Variants in RAD51B observed in about 807,000 individuals in gnomAD.
RAD51B encodes RAD51 paralog B, also known as DNA repair protein RAD51 homolog 2.
Under a neutral mutation model 42.2 loss-of-function variants are expected in RAD51B, and 38 were observed. The ratio of observed to expected loss-of-function variants is 0.90; its 90% CI spans 0.70 to 1.18. The LOEUF is 1.18. Ranked by LOEUF, RAD51B falls within the 50% of genes most tolerant of loss-of-function variation. RAD51B has a pLI of 0.00. For synonymous variants in RAD51B, 154 were observed against 145.2 expected, an observed-to-expected ratio of 1.06 and a Z score of -0.43; for missense variants, 373 against 400.7, an observed-to-expected ratio of 0.93 and a Z score of 0.59.
chr14:68,242,724 C>T (rs2080418082), intron 7 of RAD51B, among the ~76,000 whole-genome samples: 1 of 152,208 alleles, frequency 6.6e-6, no homozygotes, highest in Admixed American at 6.5e-5. Context: ...AAGTACTTTT[C>T]ACACATTATC....
chr14:68,584,107 A>C (rs1004259735), intron 10 of RAD51B, among the ~76,000 whole-genome samples: 1 of 151,686 alleles, frequency 6.6e-6, no homozygotes, highest in Non-Finnish European at 1.5e-5. Context: ...TCTGCCCAAC[A>C]CCTCGTGCCT....
At chr14:68,135,841 T>C (rs2140700684) in intron 7 of RAD51B, among the ~76,000 whole-genome samples, 1 of 152,312 alleles carries the variant, frequency 6.6e-6, no homozygotes, top group Middle Eastern at 3.4e-3. Flanking sequence ...AAATTTTCAG[T>C]AGAGCCTTAA....
At chr14:67,943,950 T>C (rs2045294546) in intron 7 of RAD51B, among the ~76,000 whole-genome samples, 1 of 152,140 alleles carries the variant, frequency 6.6e-6, no homozygotes. Flanking sequence ...TCTAAGTATA[T>C]TGTATAAAGT....
At chr14:68,013,856 T>G (rs2075729599) in intron 7 of RAD51B, among the ~76,000 whole-genome samples, 1 of 152,198 alleles carries the variant, frequency 6.6e-6, no homozygotes, top group African/African-American at 2.4e-5. Context: ...TCCTTCCATA[T>G]TCTTAGAATT....
intron 7 of RAD51B, among the ~76,000 whole-genome samples, chr14:68,075,875 A>G (rs899721924): frequency 2.0e-5 from 3 of 152,222 alleles, no homozygotes; most frequent in Non-Finnish European, 2.9e-5. Context: ...TCCCCAGCCT[A>G]GAGCAATAAG....
chr14:68,051,065 A>T (rs2140418906), intron 7 of RAD51B, among the ~76,000 whole-genome samples: 1 of 152,048 alleles, frequency 6.6e-6, no homozygotes, highest in East Asian at 1.9e-4. Flanking sequence ...AAAATAAAGA[A>T]TAATTGTCAT....
intron 8 of RAD51B, among the ~76,000 whole-genome samples, chr14:68,384,274 G>A (rs1249936917): frequency 6.6e-6 from 1 of 151,964 alleles, no homozygotes; most frequent in Non-Finnish European, 1.5e-5. Flanking sequence ...TTTTCTTCCG[G>A]AAAATCTTGT....
intron 8 of RAD51B, among the ~76,000 whole-genome samples, chr14:68,369,628 G>A (rs1181947373): frequency 1.3e-5 from 2 of 152,134 alleles, no homozygotes; most frequent in Non-Finnish European, 2.9e-5. Context: ...CTTTCAAATA[G>A]GTGCCATATC....
intron 8 of RAD51B, among the ~76,000 whole-genome samples, chr14:68,316,836 G>T (rs1050789151): frequency 6.6e-6 from 1 of 151,864 alleles, no homozygotes; most frequent in Non-Finnish European, 1.5e-5. Context: ...ATTTATTGAG[G>T]TATAATTTAC....
intron 10 of RAD51B, among the ~76,000 whole-genome samples, chr14:68,619,049 A>C (rs1320209172): frequency 6.6e-6 from 1 of 152,120 alleles, no homozygotes; most frequent in Non-Finnish European, 1.5e-5. Flanking sequence ...CACACAAGCA[A>C]CTCAGCTTTT....
intron 10 of RAD51B, among the ~76,000 whole-genome samples, chr14:68,502,166 T>A (rs1336326948): frequency 6.6e-6 from 1 of 152,174 alleles, no homozygotes; most frequent in Non-Finnish European, 1.5e-5. Context: ...AGCCTGTCAA[T>A]GGAAAGATGG....
intron 7 of RAD51B, among the ~76,000 whole-genome samples, chr14:68,101,463 T>C (rs932693823): frequency 1.3e-5 from 2 of 152,166 alleles, no homozygotes; most frequent in Admixed American, 6.5e-5. Context: ...AGGCATTGGG[T>C]AAATACACCC....
intron 7 of RAD51B, among the ~76,000 whole-genome samples, chr14:67,991,633 AC>A (rs1243520281): frequency 2.0e-5 from 3 of 152,216 alleles, no homozygotes; most frequent in Non-Finnish European, 4.4e-5. Context: ...ATCTGTCTTC[AC>A]CTTCATTATA....
At chr14:68,141,080 C>T (rs1359665087) in intron 7 of RAD51B, among the ~76,000 whole-genome samples, 2 of 152,192 alleles carry the variant, frequency 1.3e-5, no homozygotes, top group East Asian at 3.8e-4. Flanking sequence ...CATAGGGTCA[C>T]CCTTGTTACT....
chr14:68,674,385 A>G (rs943947589), intron 11 of RAD51B, among the ~76,000 whole-genome samples: 4 of 152,136 alleles, frequency 2.6e-5, no homozygotes, highest in African/African-American at 9.7e-5. Flanking sequence ...GAATTTTTCT[A>G]TGAGTAGTCA....
chr14:67,823,759 G>A (rs530515702), intron 2 of RAD51B, 132 bp downstream of exon 2: 18 of 653,248 alleles, frequency 2.8e-5, no homozygotes, highest in Middle Eastern at 4.0e-4. Context: ...TTTTCCATAG[G>A]CTAATTGTAA....
chr14:68,591,509 A>G (rs144334078), intron 10 of RAD51B, among the ~76,000 whole-genome samples: 1 of 152,200 alleles, frequency 6.6e-6, no homozygotes, highest in South Asian at 2.1e-4. Context: ...ATATGATGCT[A>G]TGATAATCGA....
intron 11 of RAD51B, among the ~76,000 whole-genome samples, chr14:68,658,814 C>T (rs1458985433): frequency 1.3e-5 from 2 of 152,224 alleles, no homozygotes; most frequent in Non-Finnish European, 2.9e-5. Flanking sequence ...ATTTCATCCT[C>T]ACTACAACTC....
At chr14:68,604,143 G>A (rs560604469) in intron 10 of RAD51B, among the ~76,000 whole-genome samples, 9 of 152,320 alleles carry the variant, frequency 5.9e-5, no homozygotes, top group East Asian at 5.8e-4. Flanking sequence ...TGGGGAGTCC[G>A]TCTAGAAAGT....
Sources: gnomAD v4.1 joint callset for allele counts (sites outside exome capture counted in the v4.1 genomes callset) on GRCh38, gnomAD v4.1.1 for gene constraint, MANE v1.5 for transcripts, NCBI Gene and HGNC (gene_info 2026-07-23, HGNC 2026-07-21) for gene names.